The following GAS7 variants were observed in gnomAD, a reference collection of about 807,000 sequenced individuals.
GAS7 encodes the protein growth arrest specific 7, also known as growth arrest-specific protein 7.
Under a neutral mutation model 71.1 loss-of-function variants are expected in GAS7, and 28 were observed. The observed-to-expected ratio is 0.39, with a 90% confidence interval of 0.29 to 0.54. The LOEUF is 0.54. Ranked by LOEUF, GAS7 falls within the 20% of genes least tolerant of loss-of-function variation. The pLI is 0.62. For synonymous variants in GAS7, 258 were observed against 245.8 expected, an observed-to-expected ratio of 1.05 and a Z score of -0.46; for missense variants, 436 against 627.8, an observed-to-expected ratio of 0.69 and a Z score of 3.27.
intron 1 of GAS7, among the ~76,000 whole-genome samples, chr17:10,161,086 TTTTG>T (rs527750170): frequency 5.9e-5 from 9 of 152,142 alleles, no homozygotes; most frequent in Non-Finnish European, 1.0e-4. Context: ...CGCGGCTCCG[TTTTG>T]TTTGTTTGTT....
intron 1 of GAS7, among the ~76,000 whole-genome samples, chr17:10,155,334 G>C (rs919978627): frequency 3.3e-5 from 5 of 151,734 alleles, no homozygotes; most frequent in African/African-American, 4.9e-5. Context: ...CTCTTTTTAA[G>C]ACAAGAAATA....
chr17:9,981,855 G>A lies in GAS7; in HGVS notation c.334C>T (p.Pro112Ser). ...ETTWERPSSS[P>S]GIPASPGSHR... Reference sequence around the variant, plus strand: ...GAGCCAGGGCTGGCTGGAATCCCAGGAGAACTGCTGGGACGTTCCCAGGTG... The same window carrying A: ...GAGCCAGGGCTGGCTGGAATCCCAGAAGAACTGCTGGGACGTTCCCAGGTG... The change falls in exon 3 of 14, where the codon CCT becomes TCT. Residue 112 changes from proline to serine, a missense_variant. By Grantham distance (74) the Pro-to-Ser change is moderately conservative. Transcript: ENST00000432992. The surrounding 1 kb of genome is among the most constrained non-coding windows in gnomAD (Gnocchi z 4.4). 2 of 1,600,990 alleles carry A rather than the reference G, an allele frequency of 1.2e-6. No individual in the cohort carries two copies. Among genetic ancestry groups the A allele is most frequent in the East Asian group, 2.2e-5 (1 of 44,820 alleles).
chr17:9,939,723 C>T (rs2068531187), intron 8 of GAS7, among the ~76,000 whole-genome samples: 2 of 152,130 alleles, frequency 1.3e-5, no homozygotes, highest in African/African-American at 4.8e-5. Flanking sequence ...CATTCTCCTG[C>T]CTCAGCCTCC....
intron 4 of GAS7, among the ~76,000 whole-genome samples, chr17:9,966,220 G>C (rs1045649770): frequency 2.6e-5 from 4 of 151,686 alleles, no homozygotes; most frequent in Admixed American, 2.0e-4. Flanking sequence ...GGATGGTCTC[G>C]ATCTCCTGAC....
chr17:9,912,734 C>T lies in GAS7; in HGVS notation c.*4494G>A, dbSNP rs973343669. The T allele has an allele frequency of 1.7e-5, 4 of 232,696 alleles. No individual in the cohort carries two copies. The highest frequency in any genetic ancestry group is 1.2e-3 in the Middle Eastern group (1 of 808). 14.4% of individuals were successfully genotyped at this position (232,696 alleles called of 1,614,324 possible). On this transcript the variant is annotated 3_prime_UTR_variant, in exon 14 of 14. Coordinates refer to ENST00000432992, the MANE Select transcript of GAS7 (RefSeq NM_201433.2). ...GCACAGCTGGCATTTGGAGGAGGAG[C>T]CTGGGGAACTGAAGGAAGCAGCAAG...
At chr17:10,173,667 C>CT (rs2074351719) in intron 1 of GAS7, among the ~76,000 whole-genome samples, 1 of 151,700 alleles carries the variant, frequency 6.6e-6, no homozygotes, top group Non-Finnish European at 1.5e-5. Context: ...ACTGGGGAGG[C>CT]TGAGGCAAGA....
At chr17:10,018,022 C>T (rs989365446) in intron 2 of GAS7, among the ~76,000 whole-genome samples, 6 of 152,074 alleles carry the variant, frequency 3.9e-5, no homozygotes, top group Admixed American at 1.3e-4. Context: ...CATACCCATG[C>T]GATGGATTAC....
rs112806919 is a variant in GAS7, at chr17:9,957,331, C to T, written c.525+1871G>A. On this transcript the variant is annotated intron_variant, in intron 5 of 13. Transcript: ENST00000432992. ...AGCAATGATATGGCTCAGCAGGAAGCGACAGGGAAGGCAGGGATGGGCGAG... is the reference window on the plus strand; with the variant it reads ...AGCAATGATATGGCTCAGCAGGAAGTGACAGGGAAGGCAGGGATGGGCGAG... Among the ~76,000 whole-genome samples, 218 of 152,284 alleles carry T rather than the reference C, an allele frequency of 1.4e-3. 1 individual carries two copies. The highest frequency in any genetic ancestry group is 2.4e-3 in the Non-Finnish European group (165 of 68,016).
chr17:9,969,779 A>G lies in GAS7; in HGVS notation c.386-17T>C, dbSNP rs2069881059. ...ATCCATTCACTGCAGGGACAGAGAC[A>G]CGGCTCAGATGCTGTGTGGGCCACA... On this transcript the variant is annotated splice_polypyrimidine_tract_variant and intron_variant, in intron 3 of 13. Transcript: ENST00000432992. This position sits in a 1 kb window ranked among gnomAD's most constrained non-coding sequence, Gnocchi z 5.5. 7.1e-6 allele frequency: 11 copies of G among 1,558,228 alleles called. No homozygotes were observed. The highest frequency in any genetic ancestry group is 9.7e-6 in the Non-Finnish European group (11 of 1,129,076).
At chr17:10,154,900 C>A (rs2074192892) in intron 1 of GAS7, among the ~76,000 whole-genome samples, 1 of 135,554 alleles carries the variant, frequency 7.4e-6, no homozygotes, top group Non-Finnish European at 1.5e-5. Context: ...TACCCCAATC[C>A]CCAACCCCAG....
chr17:10,105,485 C>A (rs975876662), intron 1 of GAS7, among the ~76,000 whole-genome samples: 3 of 152,208 alleles, frequency 2.0e-5, no homozygotes, highest in Non-Finnish European at 4.4e-5. Flanking sequence ...CCTGTCCCTG[C>A]AGAAATTTCT....
chr17:10,161,001 T>C (rs986170783), intron 1 of GAS7, among the ~76,000 whole-genome samples: 22 of 151,586 alleles, frequency 1.5e-4, no homozygotes, highest in African/African-American at 4.8e-4. Context: ...GCAGTATTTA[T>C]TGGCTCATAT....
intron 3 of GAS7, among the ~76,000 whole-genome samples, chr17:9,971,719 T>C (rs1031456180): frequency 6.0e-5 from 9 of 150,476 alleles, no homozygotes; most frequent in Admixed American, 3.3e-4. Flanking sequence ...CCAATAAATA[T>C]ATACAATGCA....
chr17:10,182,594 A>T (rs1313359899), intron 1 of GAS7, among the ~76,000 whole-genome samples: 1 of 152,230 alleles, frequency 6.6e-6, no homozygotes, highest in Non-Finnish European at 1.5e-5. Context: ...TGACAGATGG[A>T]CATCACTAGG....
At chr17:10,085,886 A>C (rs1279034667) in intron 1 of GAS7, among the ~76,000 whole-genome samples, 1 of 151,512 alleles carries the variant, frequency 6.6e-6, no homozygotes, top group Non-Finnish European at 1.5e-5. Flanking sequence ...AGAGCTCCTG[A>C]GTGACAGAGC....
chr17:10,091,761 A>T (rs2073584616), intron 1 of GAS7, among the ~76,000 whole-genome samples: 1 of 152,078 alleles, frequency 6.6e-6, no homozygotes, highest in African/African-American at 2.4e-5. Context: ...GGCTCACTGC[A>T]GCCGCGACCT....
At chr17:10,098,378 C>T (rs926782500) in intron 1 of GAS7, among the ~76,000 whole-genome samples, 1 of 152,212 alleles carries the variant, frequency 6.6e-6, no homozygotes, top group Non-Finnish European at 1.5e-5. Context: ...CTGTCTTCCA[C>T]GCTGTCCTGT....
intron 5 of GAS7, among the ~76,000 whole-genome samples, chr17:9,951,760 CAAAAAAAA>C (rs59048492): frequency 0.13 from 8,981 of 69,154 alleles, 769 homozygotes; most frequent in African/African-American, 0.29. Flanking sequence ...AACTCTGTCT[CAAAAAAAA>C]AAAAAAAAAA....
intron 1 of GAS7, among the ~76,000 whole-genome samples, chr17:10,164,006 C>T (rs2074274667): frequency 6.6e-6 from 1 of 152,148 alleles, no homozygotes; most frequent in African/African-American, 2.4e-5. Context: ...TCCCATGAGG[C>T]CCCAGCTCAG....
Sources: allele counts gnomAD v4.1 joint callset (sites outside exome capture counted in the v4.1 genomes callset), GRCh38; gene constraint gnomAD v4.1.1; non-coding constraint Gnocchi (gnomAD v3.1); transcripts MANE v1.5; gene names NCBI Gene and HGNC (gene_info 2026-07-23, HGNC 2026-07-21).